The following PIP5K1B variants were observed in gnomAD, a reference collection of about 807,000 sequenced individuals.
PIP5K1B encodes the protein phosphatidylinositol 4-phosphate 5-kinase type-1 beta.
A neutral mutation model predicts 67.0 loss-of-function variants in PIP5K1B; 42 were observed. That is an observed-to-expected ratio of 0.63 (90% CI 0.49 to 0.81). The LOEUF (loss-of-function observed/expected upper bound fraction) is 0.81. PIP5K1B is among the 30% of genes least tolerant of loss of function. PIP5K1B has a pLI of 0.00. For missense variants in PIP5K1B, 459 were observed against 646.3 expected, an observed-to-expected ratio of 0.71 and a Z score of 3.14; for synonymous variants, 214 against 231.4, an observed-to-expected ratio of 0.92 and a Z score of 0.68.
intron 12 of PIP5K1B, among the ~76,000 whole-genome samples, chr9:68,934,169 T>C (rs1827141441): frequency 6.6e-6 from 1 of 152,232 alleles, no homozygotes; most frequent in African/African-American, 2.4e-5. Flanking sequence ...GCAGCTTCCA[T>C]GGACGTGTCC....
intron 14 of PIP5K1B, among the ~76,000 whole-genome samples, chr9:68,948,973 A>C (rs1422857200): frequency 1.3e-5 from 2 of 152,310 alleles, no homozygotes; most frequent in East Asian, 3.9e-4. Flanking sequence ...AATTCATGTG[A>C]GATAATATTT....
chr9:68,916,278 G>A (rs941160588), intron 8 of PIP5K1B, among the ~76,000 whole-genome samples: 1 of 152,068 alleles, frequency 6.6e-6, no homozygotes, highest in Non-Finnish European at 1.5e-5. Flanking sequence ...TATCATAGAG[G>A]AAAACACCCA....
At chr9:68,991,848 A>T (rs1830378923) in intron 15 of PIP5K1B, among the ~76,000 whole-genome samples, 1 of 152,220 alleles carries the variant, frequency 6.6e-6, no homozygotes, top group South Asian at 2.1e-4. Context: ...GTATCAGCTT[A>T]ATCGAACTGT....
Position 68,940,674 on chromosome 9 carries a change from G to A in PIP5K1B, c.1386G>A (p.Leu462=). Residue 462 remains leucine (L), a synonymous_variant, in exon 14 of 16, where the codon CTG becomes CTA. Transcript: ENST00000265382. The stretch of plus-strand genomic sequence containing the variant: ...TGGGATCCCGACACAGGCCAGACCT[G>A]GTCCCTAGCACTCCATCACTGTTTG... ...EALGSRHRPD[L]VPSTPSLFEA... 1 of 1,613,984 alleles carries A rather than the reference G, an allele frequency of 6.2e-7. No individual in the cohort carries two copies. The highest frequency in any genetic ancestry group is 8.5e-7 in the Non-Finnish European group (1 of 1,179,908).
chr9:68,955,752 A>G (rs1828354555), intron 14 of PIP5K1B, among the ~76,000 whole-genome samples: 1 of 152,208 alleles, frequency 6.6e-6, no homozygotes, highest in Non-Finnish European at 1.5e-5. Context: ...AGTAATATTT[A>G]TGTAGTATTT....
intron 14 of PIP5K1B, among the ~76,000 whole-genome samples, chr9:68,948,631 G>A (rs1246494333): frequency 3.8e-5 from 4 of 106,200 alleles, no homozygotes; most frequent in South Asian, 4.2e-4. Context: ...GGCAACAGAG[G>A]CGAGACCTTG....
At chr9:68,717,163 T>C (rs775512713) in intron 1 of PIP5K1B, among the ~76,000 whole-genome samples, 3 of 152,166 alleles carry the variant, frequency 2.0e-5, no homozygotes, top group South Asian at 2.1e-4. Context: ...ATGGGTTCAA[T>C]TGAAGCCCAA....
chr9:68,832,344 A>G (rs1478841655), intron 4 of PIP5K1B, among the ~76,000 whole-genome samples: 3 of 152,218 alleles, frequency 2.0e-5, no homozygotes, highest in African/African-American at 7.2e-5. Context: ...AAGAGTCACA[A>G]CTCAATAATA....
intron 5 of PIP5K1B, among the ~76,000 whole-genome samples, chr9:68,868,366 A>G (rs536575431): frequency 2.2e-3 from 340 of 152,364 alleles, no homozygotes; most frequent in Non-Finnish European, 3.7e-3. Flanking sequence ...TTATTCATAT[A>G]GTAAATTGAC....
rs762235793 is a variant in PIP5K1B at position 68,965,048 on chromosome 9, G to A, written c.1502+24258G>A. On this transcript the variant is annotated intron_variant, in intron 14 of 15. Transcript: ENST00000265382. ...TTTGAGGAAATTGTAAGGTTATATG[G>A]CCATGGTTTTCAGCTTGGACAGGTA... is the stretch of plus-strand genomic sequence containing the variant. Among the ~76,000 whole-genome samples, 3 of 152,162 alleles carry A rather than the reference G, an allele frequency of 2.0e-5. No individual in the cohort carries two copies. In the East Asian group the frequency reaches 5.8e-4, roughly 29 times the overall value.
chr9:68,932,104 A>G (rs1827033080), intron 12 of PIP5K1B, among the ~76,000 whole-genome samples: 1 of 152,170 alleles, frequency 6.6e-6, no homozygotes, highest in Non-Finnish European at 1.5e-5. Context: ...TTCTTTTTCC[A>G]GTCTTTTGGC....
intron 5 of PIP5K1B, among the ~76,000 whole-genome samples, chr9:68,875,295 CAAAAAAAAAAAA>C (rs147022066): frequency 8.9e-5 from 4 of 44,868 alleles, no homozygotes; most frequent in Non-Finnish European, 1.5e-4. Flanking sequence ...TGGTACTCAG[CAAAAAAAAAAAA>C]AAAAAAAAAA....
At chr9:68,862,812 T>C (rs890003908) in intron 4 of PIP5K1B, among the ~76,000 whole-genome samples, 1 of 105,998 alleles carries the variant, frequency 9.4e-6, no homozygotes, top group South Asian at 3.0e-4. Flanking sequence ...AAAAAATAAA[T>C]AAATAAATAA....
chr9:68,956,754 T>C (rs1828417966), intron 14 of PIP5K1B, among the ~76,000 whole-genome samples: 1 of 152,210 alleles, frequency 6.6e-6, no homozygotes, highest in African/African-American at 2.4e-5. Flanking sequence ...CAGGTAAGTA[T>C]GGCTTAAACT....
At chr9:68,902,592 G>A (rs753982761) in intron 8 of PIP5K1B, among the ~76,000 whole-genome samples, 11 of 152,180 alleles carry the variant, frequency 7.2e-5, no homozygotes, top group South Asian at 2.1e-4. Flanking sequence ...TGGCTTTTGC[G>A]TGAGCACAGG....
intron 2 of PIP5K1B, among the ~76,000 whole-genome samples, chr9:68,817,928 A>G (rs888152906): frequency 6.6e-6 from 1 of 152,150 alleles, no homozygotes; most frequent in Non-Finnish European, 1.5e-5. Flanking sequence ...TTCTGTATAA[A>G]ACATAATTAT....
chr9:68,822,505 A>C (rs1564161940), intron 3 of PIP5K1B, 110 bp from the exon 4 acceptor site: 1 of 731,724 alleles, frequency 1.4e-6, no homozygotes, highest in Non-Finnish European at 2.3e-6. Context: ...CAGCAATAGC[A>C]ATAACAAAAA....
At chr9:68,879,393 C>T (rs1483268755) in intron 6 of PIP5K1B, among the ~76,000 whole-genome samples, 1 of 151,930 alleles carries the variant, frequency 6.6e-6, no homozygotes, top group Non-Finnish European at 1.5e-5. Context: ...CATGGTGAAA[C>T]CCCGTCTCTA....
chr9:68,838,320 C>G (rs1304495164), intron 4 of PIP5K1B, among the ~76,000 whole-genome samples: 1 of 152,062 alleles, frequency 6.6e-6, no homozygotes, highest in Admixed American at 6.6e-5. Flanking sequence ...TATTCAAAAA[C>G]AGTATCAAAG....
Sources: gnomAD v4.1 joint callset for allele counts (sites outside exome capture counted in the v4.1 genomes callset) on GRCh38, gnomAD v4.1.1 for gene constraint, MANE v1.5 for transcripts, NCBI Gene and HGNC (gene_info 2026-07-23, HGNC 2026-07-21) for gene names.